P2RX5: variants seen among roughly 807,000 people sequenced by gnomAD.
P2RX5 encodes the protein purinergic receptor P2X 5, also known as P2X purinoceptor 5.
A neutral mutation model predicts 54.1 loss-of-function variants in P2RX5; 46 were observed. The ratio of observed to expected loss-of-function variants is 0.85; its 90% confidence interval spans 0.67 to 1.09. The LOEUF is 1.09. Ranked by LOEUF, P2RX5 falls within the 50% of genes least tolerant of loss-of-function variation. The probability of loss-of-function intolerance (pLI) is 0.00; values close to 1 mark genes in which losing one functional copy is unlikely to be tolerated. For missense variants in P2RX5, 566 were observed against 549.8 expected (o/e 1.03, Z -0.29); for synonymous variants, 226 against 226.4 (o/e 1.00, Z 0.02).
chr17:3,694,136 G>A (rs947367401), intron 1 of P2RX5, among the ~76,000 whole-genome samples: 8 of 151,020 alleles, frequency 5.3e-5, no homozygotes, highest in African/African-American at 1.9e-4. Context: ...GCCCCACACG[G>A]CAGGATAGTA....
chr17:3,717,473 T>C, the P2RX5 span: 1 of 152,228 alleles, frequency 6.6e-6, no homozygotes, highest in Non-Finnish European at 1.5e-5. Flanking sequence ...CTAATCTCTC[T>C]TCTGGCAGGG....
chr17:3,689,749 CA>C, intron 6 of P2RX5, 119 bp from the exon 7 acceptor site: 1 of 1,338,986 alleles, frequency 7.5e-7, no homozygotes, highest in Non-Finnish European at 1.1e-6. Flanking sequence ...AGCAACACCC[CA>C]CTTTACAGCA....
At chr17:3,703,971 A>G in the P2RX5 span, among the ~76,000 whole-genome samples, 90 of 152,156 alleles carry the variant, frequency 5.9e-4, no homozygotes, top group Middle Eastern at 3.4e-3. Flanking sequence ...ACGTGGTGGC[A>G]CATGCCTGTA....
At chr17:3,706,609 G>A in the P2RX5 span, among the ~76,000 whole-genome samples, 1 of 152,112 alleles carries the variant, frequency 6.6e-6, no homozygotes, top group Non-Finnish European at 1.5e-5. Flanking sequence ...CGAAAAATGC[G>A]GAGGCCCAGA....
At chr17:3,718,278 C>T in the P2RX5 span, 1 of 152,260 alleles carries the variant, frequency 6.6e-6, no homozygotes, top group Admixed American at 6.5e-5. Context: ...ACTGTTTCAT[C>T]CCTGAAAAGG....
the P2RX5 span, among the ~76,000 whole-genome samples, chr17:3,703,963 G>A: frequency 6.6e-6 from 1 of 152,004 alleles, no homozygotes; most frequent in Non-Finnish European, 1.5e-5. Flanking sequence ...GTAGCCGGAC[G>A]TGGTGGCACA....
intron 9 of P2RX5, among the ~76,000 whole-genome samples, chr17:3,683,444 A>G (rs2050341463): frequency 6.6e-6 from 1 of 152,214 alleles, no homozygotes; most frequent in South Asian, 2.1e-4. Context: ...CAAGAAAGTG[A>G]TGAATGGGCT....
upstream of P2RX5, among the ~76,000 whole-genome samples, chr17:3,697,294 C>G (rs1357481433): frequency 6.6e-6 from 1 of 152,162 alleles, no homozygotes; most frequent in Non-Finnish European, 1.5e-5. Context: ...TGACTGCAAC[C>G]CTCTCAGTAT....
the P2RX5 span, chr17:3,718,237 G>A: frequency 6.6e-6 from 1 of 152,250 alleles, no homozygotes; most frequent in African/African-American, 2.4e-5. Flanking sequence ...CTAATAAGAT[G>A]TAAGAGGATG....
At chr17:3,683,049 AAAAC>A (rs1346445408) in intron 9 of P2RX5, among the ~76,000 whole-genome samples, 1 of 152,100 alleles carries the variant, frequency 6.6e-6, no homozygotes, top group African/African-American at 2.4e-5. Flanking sequence ...AACAAAAGCA[AAAAC>A]AAACAAAAAA....
the P2RX5 span, among the ~76,000 whole-genome samples, chr17:3,713,446 A>G: frequency 6.6e-6 from 1 of 152,148 alleles, no homozygotes; most frequent in Non-Finnish European, 1.5e-5. Context: ...CTTGCTGCAG[A>G]GTGTTTTTAA....
intron 10 of P2RX5, among the ~76,000 whole-genome samples, chr17:3,680,038 C>G (rs2050201522): frequency 1.3e-5 from 2 of 150,496 alleles, no homozygotes; most frequent in South Asian, 4.2e-4. Flanking sequence ...ACCCAGCTCC[C>G]TCCACCCTAC....
chr17:3,684,637 GTA>G (rs200473761), intron 9 of P2RX5, among the ~76,000 whole-genome samples: 30,456 of 152,014 alleles, frequency 0.2, 3,102 homozygotes, highest in Admixed American at 0.24. Context: ...GGAAAATATA[GTA>G]TCGACCAGAA....
the P2RX5 span, among the ~76,000 whole-genome samples, chr17:3,702,114 A>G: frequency 6.6e-6 from 1 of 152,142 alleles, no homozygotes; most frequent in African/African-American, 2.4e-5. Flanking sequence ...CTGTCTAGGT[A>G]AAGGATTGTA....
At chr17:3,673,913 C>T in intron 11 of P2RX5, 36 bp from the exon 12 acceptor site, 4 of 1,578,102 alleles carry the variant, frequency 2.5e-6, no homozygotes, top group South Asian at 1.1e-5. Flanking sequence ...TCTTGAGAGG[C>T]TGGCACTCTC....
At chr17:3,681,818 C>T in intron 10 of P2RX5, 78 bp downstream of exon 10, 1 of 943,654 alleles carries the variant, frequency 1.1e-6, no homozygotes, top group Non-Finnish European at 1.8e-6. Context: ...ATCAATATCA[C>T]ATCAGGGCAA....
the P2RX5 span, chr17:3,717,799 G>T: frequency 6.6e-6 from 1 of 152,160 alleles, no homozygotes; most frequent in Admixed American, 6.6e-5. Context: ...TAGGAGTGAA[G>T]TCCTAGGCTT....
chr17:3,723,825 G>C, the P2RX5 span: 2 of 1,560,514 alleles, frequency 1.3e-6, no homozygotes, highest in South Asian at 1.2e-5. Context: ...CGGCCCTGGC[G>C]AGGTGCGCAT....
chr17:3,684,841 T>C lies in P2RX5; in HGVS notation c.982-2863A>G, dbSNP rs886694013. ...TGCAGCCTAATCCTGCCCCCTTTTTTTTTTTTTTTTTTTTTTTTTTGGAGA... is the reference window on the plus strand; with the variant it reads ...TGCAGCCTAATCCTGCCCCCTTTTTCTTTTTTTTTTTTTTTTTTTTGGAGA... On this transcript the variant is annotated intron_variant, in intron 9 of 11. Coordinates refer to ENST00000225328, the MANE Select transcript of P2RX5 (RefSeq NM_002561.4). Among the ~76,000 whole-genome samples, 15 of 134,708 alleles carry C rather than the reference T, an allele frequency of 1.1e-4. 2 individuals are homozygous for C. Among genetic ancestry groups the C allele is most frequent in the Admixed American group, 1.5e-4 (2 of 13,408 alleles). 88.4% of individuals were successfully genotyped at this position (134,708 alleles called of 152,430 possible). A position where few individuals can be genotyped will look rare whatever the true frequency, so the allele number is the denominator to read the frequency against.
Sources: allele counts gnomAD v4.1 joint callset (sites outside exome capture counted in the v4.1 genomes callset), GRCh38; gene constraint gnomAD v4.1.1; transcripts MANE v1.5; gene names NCBI Gene and HGNC (gene_info 2026-07-23, HGNC 2026-07-21).